MAGEC2: variants seen among roughly 807,000 people sequenced by gnomAD.
MAGEC2 encodes MAGE family member C2, also known as melanoma-associated antigen C2.
For missense variants in MAGEC2, 332 were observed against 282.3 expected (o/e 1.18, Z -1.26); for synonymous variants, 127 against 115.1 (o/e 1.10, Z -0.66).
chrX:142,204,030 T>C lies in MAGEC2; in HGVS notation c.-43A>G. ...CAGCAGGTAAACGTATCAACAGGGA[T>C]ATGGATGATGAGATCCAACAGGCCT... On this transcript the variant is annotated 5_prime_UTR_variant, in exon 3 of 3. It adds an upstream start codon to the 5' untranslated region. Coordinates refer to ENST00000247452, the MANE Select transcript of MAGEC2 (RefSeq NM_016249.4). 1 of 1,186,882 alleles carries C rather than the reference T, an allele frequency of 8.4e-7. No individual in the cohort carries two copies. Among genetic ancestry groups the C allele is most frequent in the Non-Finnish European group, 1.1e-6 (1 of 879,279 alleles).
At position 142,203,941 on chromosome X, in the gene MAGEC2, G is replaced by A. The variant is rs909104260; in HGVS notation, c.47C>T (p.Ser16Phe). The change falls in exon 3 of 3, where the codon TCC becomes TTC. Residue 16 changes from serine to phenylalanine, a missense_variant. Transcript: ENST00000247452. ...GTCTTCTAACTCAACTGAGGTCGGG[G>A]AGTCGTTGTCAACGTTGCGGAATGG... The part of the protein sequence containing the change: ...GVPFRNVDND[S>F]PTSVELEDWV... The A allele has an allele frequency of 8.5e-7, 1 of 1,175,203 alleles. No homozygotes were observed. Among genetic ancestry groups the A allele is most frequent in the African/African-American group, 1.8e-5 (1 of 55,659 alleles).
At chrX:142,204,740 C>T (rs889535793) in intron 1 of MAGEC2, among the ~76,000 whole-genome samples, 1 of 111,542 alleles carries the variant, frequency 9.0e-6, no homozygotes, top group Non-Finnish European at 1.9e-5. Context: ...TGGGGGCAGT[C>T]GGGGTAGCCT....
chrX:142,203,713 G>A lies in MAGEC2; in HGVS notation c.275C>T (p.Pro92Leu). 1 of 1,209,777 alleles carries A rather than the reference G, an allele frequency of 8.3e-7. No individual in the cohort carries two copies. The highest frequency in any genetic ancestry group is 1.1e-6 in the Non-Finnish European group (1 of 894,648). ...SIPSSPPQGP[P>L]QGPSQSPLSS... ...CAGAGGACTCTGGGAAGGACCCTGT[G>A]GAGGACCCTGTGGAGGACTACTGGG... The change falls in exon 3 of 3, where the codon CCA becomes CTA. Residue 92 changes from proline to leucine, a missense_variant. Physicochemically the swap from Pro to Leu is moderately conservative, Grantham distance 98 (BLOSUM62 -3). Transcript: ENST00000247452.
chrX:142,204,026 G>A lies in MAGEC2; in HGVS notation c.-39C>T. The stretch of plus-strand genomic sequence containing the variant: ...GGAGCAGCAGGTAAACGTATCAACA[G>A]GGATATGGATGATGAGATCCAACAG... On this transcript the variant is annotated 5_prime_UTR_variant, in exon 3 of 3. Coordinates refer to ENST00000247452, the MANE Select transcript of MAGEC2 (RefSeq NM_016249.4). The A allele has an allele frequency of 1.7e-6, 2 of 1,187,932 alleles. No individual in the cohort carries two copies. Among genetic ancestry groups the A allele is most frequent in the Non-Finnish European group, 2.3e-6 (2 of 881,275 alleles).
At position 142,203,515 on chromosome X, in the gene MAGEC2, G is replaced by C; in HGVS notation, c.473C>G (p.Ala158Gly). 8.3e-7 allele frequency: 1 copy of C among 1,211,244 alleles called. No individual in the cohort carries two copies. The highest frequency in any genetic ancestry group is 1.1e-6 in the Non-Finnish European group (1 of 895,217). Reference sequence around the variant, plus strand: ...CTCTGCCTCTGTTACAGGCTCCTCTGCTTCGTATTTGAGGAGCAGGAACTC... The same window carrying C: ...CTCTGCCTCTGTTACAGGCTCCTCTCCTTCGTATTTGAGGAGCAGGAACTC... Reference protein sequence around the residue: ...LVEFLLLKYEAEEPVTEAEML... With the variant: ...LVEFLLLKYEGEEPVTEAEML... Residue 158 changes from alanine (A) to glycine (G), a missense_variant, in exon 3 of 3, where the codon GCA becomes GGA. Ala to Gly is a moderately conservative substitution (Grantham distance 60). Coordinates refer to ENST00000247452, the MANE Select transcript of MAGEC2 (RefSeq NM_016249.4).
rs1261696265 is a variant in MAGEC2, at chrX:142,203,490, C to A, written c.498G>T (p.Glu166Asp). The A allele has an allele frequency of 8.3e-7, 1 of 1,209,705 alleles. No homozygotes were observed. The highest frequency in any genetic ancestry group is 1.8e-5 in the African/African-American group (1 of 56,985). The change falls in exon 3 of 3, where the codon GAG (glutamate) becomes GAT (aspartate). Residue 166 changes from glutamate to aspartate, a missense_variant. By Grantham distance (45) the Glu-to-Asp change is conservative. Transcript: ENST00000247452. The part of the protein sequence containing the change: ...YEAEEPVTEA[E>D]MLMIVIKYKD... ...TGTACTTGATGACAATCATCAGCAT[C>A]TCTGCCTCTGTTACAGGCTCCTCTG...
chrX:142,203,408 C>G lies in MAGEC2; in HGVS notation c.580G>C (p.Gly194Arg). Residue 194 changes from glycine to arginine, a missense_variant, in exon 3 of 3, where the codon GGC becomes CGC. Coordinates refer to ENST00000247452, the MANE Select transcript of MAGEC2 (RefSeq NM_016249.4). ...GGGCCCACTTCTATCAGGGCAAGGC[C>G]AAAAAGAAGCTCCATGAACTCACGG... ...RAREFMELLF[G>R]LALIEVGPDH... The G allele has an allele frequency of 8.3e-7, 1 of 1,211,352 alleles. No homozygotes were observed. Among genetic ancestry groups the G allele is most frequent in the Non-Finnish European group, 1.1e-6 (1 of 895,366 alleles).
At chrX:142,204,801 C>T (rs762217477) in intron 1 of MAGEC2, among the ~76,000 whole-genome samples, 1 of 111,579 alleles carries the variant, frequency 9.0e-6, no homozygotes, top group South Asian at 3.8e-4. Context: ...CCCAGCAGGG[C>T]CTGGGAATCT....
rs1184997843 is a variant in MAGEC2, at chrX:142,203,223, T to C, written c.765A>G (p.Ala255=). ...SEEVIWEVLN[A]VGVYAGREHF... ...GCTCCCTCCCAGCATATACCCCTAC[T>C]GCATTCAGCACTTCCCAGATGACCT... is the stretch of plus-strand genomic sequence containing the variant. The change falls in exon 3 of 3, where the codon GCA becomes GCG. Residue 255 remains alanine (A), a synonymous_variant. Transcript: ENST00000247452. The C allele has an allele frequency of 8.3e-7, 1 of 1,209,282 alleles. No individual in the cohort carries two copies. Among genetic ancestry groups the C allele is most frequent in the Admixed American group, 2.2e-5 (1 of 45,725 alleles).
rs1931189833 is a variant in MAGEC2, at chrX:142,203,682, G to A, written c.306C>T (p.Ser102=). Reference sequence around the variant, plus strand: ...AGCTCCATGAAAAAGAGGAGCAGCAGGAGCTCAGAGGACTCTGGGAAGGAC... The same window carrying A: ...AGCTCCATGAAAAAGAGGAGCAGCAAGAGCTCAGAGGACTCTGGGAAGGAC... The part of the protein sequence containing the change: ...PQGPSQSPLS[S]CCSSFSWSSF... Residue 102 remains serine (S), a synonymous_variant, in exon 3 of 3, where the codon TCC becomes TCT. Transcript: ENST00000247452. 1 of 1,210,560 alleles carries A rather than the reference G, an allele frequency of 8.3e-7. No individual in the cohort carries two copies. Among genetic ancestry groups the A allele is most frequent in the Non-Finnish European group, 1.1e-6 (1 of 895,119 alleles).
chrX:142,204,406 T>C lies in MAGEC2; in HGVS notation c.-111A>G. 4.1e-6 allele frequency: 1 copy of C among 245,698 alleles called. No individual in the cohort carries two copies. The highest frequency in any genetic ancestry group is 6.9e-5 in the East Asian group (1 of 14,447). The allele number at this position is 245,698 out of a possible 1,213,427, so 20.2% of individuals were successfully genotyped here. A position where few individuals can be genotyped will look rare whatever the true frequency, so the allele number is the denominator to read the frequency against. On this transcript the variant is annotated 5_prime_UTR_variant, in exon 2 of 3. Transcript: ENST00000247452. ...TGGGCCTCCTCTGCTGTGCTGACTT[T>C]AGGCTGTGTGCCTCACACCCAGTTC...
chrX:142,205,002 G>A (rs1255213822), intron 1 of MAGEC2, 101 bp downstream of exon 1: 1 of 111,875 alleles, frequency 8.9e-6, no homozygotes, highest in Non-Finnish European at 1.9e-5. Flanking sequence ...GCCCTCTGAG[G>A]TGGGGGTTCC....
In MAGEC2 at chrX:142,202,775, A is replaced by C; in HGVS notation, c.*91T>G. 2.2e-6 allele frequency: 2 copies of C among 903,994 alleles called. No homozygotes were observed. Among genetic ancestry groups the C allele is most frequent in the Non-Finnish European group, 3.1e-6 (2 of 652,353 alleles). The allele number at this position is 903,994 out of a possible 1,213,427, so 74.5% of individuals were successfully genotyped here. The stretch of plus-strand genomic sequence containing the variant: ...CCCATATGGGACAGAAATGCAAAGA[A>C]CACTACGTTCCTCGAGCCCCACCTG... On this transcript the variant is annotated 3_prime_UTR_variant, in exon 3 of 3. Transcript: ENST00000247452.
At position 142,202,953 on chromosome X, in the gene MAGEC2, C is replaced by T. The variant is rs777029311; in HGVS notation, c.1035G>A (p.Gln345=). The T allele has an allele frequency of 9.1e-6, 11 of 1,211,636 alleles. No individual in the cohort carries two copies. The highest frequency in any genetic ancestry group is 1.8e-5 in the South Asian group (1 of 56,986). The change falls in exon 3 of 3, where the codon CAG becomes CAA. Residue 345 remains glutamine, a synonymous_variant. Coordinates refer to ENST00000247452, the MANE Select transcript of MAGEC2 (RefSeq NM_016249.4). ...CATCATCTGCGGTATCAATTGTGGC[C>T]TGGACTCTCTCTTCCACATCTTTCA... ...DALKDVEERV[Q]ATIDTADDAT... is the part of the protein sequence containing the mutation.
chrX:142,202,782 G>A lies in MAGEC2; in HGVS notation c.*84C>T, dbSNP rs113210868. 5.2e-6 allele frequency: 5 copies of A among 956,653 alleles called. No homozygotes were observed. Among genetic ancestry groups the A allele is most frequent in the South Asian group, 2.4e-5 (1 of 41,283 alleles). 78.8% of individuals were successfully genotyped at this position (956,653 alleles called of 1,213,427 possible). A position where few individuals can be genotyped will look rare whatever the true frequency, so the allele number is the denominator to read the frequency against. ...GGGACAGAAATGCAAAGAACACTAC[G>A]TTCCTCGAGCCCCACCTGGCCCTCC... On this transcript the variant is annotated 3_prime_UTR_variant, in exon 3 of 3. Transcript: ENST00000247452.
In MAGEC2 at chrX:142,203,133, C is replaced by G. The variant is rs1179252604; in HGVS notation, c.855G>C (p.Glu285Asp). ...GAGAACTGTGGGGCACCTCCCGATA[C>G]TCCAGGTAATGTCCCTGCACCCAAA... ...TKVWVQGHYL[E>D]YREVPHSSPP... The change falls in exon 3 of 3, where the codon GAG becomes GAC. Residue 285 changes from glutamate to aspartate, a missense_variant. By Grantham distance (45) the Glu-to-Asp change is conservative. Coordinates refer to ENST00000247452, the MANE Select transcript of MAGEC2 (RefSeq NM_016249.4). 8 of 1,211,702 alleles carry G rather than the reference C, an allele frequency of 6.6e-6. No individual in the cohort carries two copies. Among genetic ancestry groups the G allele is most frequent in the Non-Finnish European group, 8.9e-6 (8 of 895,474 alleles).
intron 1 of MAGEC2, among the ~76,000 whole-genome samples, chrX:142,204,796 C>G (rs1931211192): frequency 9.0e-6 from 1 of 111,493 alleles, no homozygotes; most frequent in Non-Finnish European, 1.9e-5. Flanking sequence ...TTATCCCCAG[C>G]AGGGCCTGGG....
chrX:142,202,944 AATTGTGGC>A lies in MAGEC2; in HGVS notation c.1036_1043del (p.Ala346Ter). 8.3e-7 allele frequency: 1 copy of A among 1,211,573 alleles called. No homozygotes were observed. Among genetic ancestry groups the A allele is most frequent in the Non-Finnish European group, 1.1e-6 (1 of 895,366 alleles). ...TGACAGTGGCATCATCTGCGGTATC[AATTGTGGC>A]CTGGACTCTCTCTTCCACATCTTTC... On this transcript the variant is annotated frameshift_variant, in exon 3 of 3. Transcript: ENST00000247452. LOFTEE classifies it low-confidence loss of function (END_TRUNC).
rs1446087368 is a variant in MAGEC2 at position 142,203,763 on chromosome X, C to T, written c.225G>A (p.Val75=). 4.2e-6 allele frequency: 5 copies of T among 1,203,074 alleles called. No homozygotes were observed. The African/African-American group carries it at 8.9e-5, about 21-fold the overall frequency. ...GAATGCTCTCGGTAAGATTTGGTAT[C>T]ACACCAGAGGGCACCTCCTCCTCCT... is the stretch of plus-strand genomic sequence containing the variant. ...GPEEEEVPSG[V]IPNLTESIPS... Residue 75 remains valine, a synonymous_variant, in exon 3 of 3, where the codon GTG becomes GTA. Coordinates refer to ENST00000247452, the MANE Select transcript of MAGEC2 (RefSeq NM_016249.4).
Sources: gnomAD v4.1 joint callset for allele counts (sites outside exome capture counted in the v4.1 genomes callset) on GRCh38, gnomAD v4.1.1 for gene constraint, MANE v1.5 for transcripts, NCBI Gene and HGNC (gene_info 2026-07-23, HGNC 2026-07-21) for gene names.